The following UACA variants were observed in gnomAD, a reference collection of about 807,000 sequenced individuals.
The protein encoded by UACA is uveal autoantigen with coiled-coil domains and ankyrin repeats, also known as nuclear membrane binding protein.
In UACA, 112 loss-of-function variants were observed where a neutral mutation model predicts 160.5. The observed-to-expected ratio is 0.70, with a 90% CI of 0.60 to 0.82. The LOEUF (loss-of-function observed/expected upper bound fraction) is 0.82. Ranked by LOEUF, UACA falls within the 40% of genes least tolerant of loss-of-function variation. UACA has a pLI of 0.00. For synonymous variants in UACA, 557 were observed against 568.4 expected, an observed-to-expected ratio of 0.98 and a Z score of 0.29; for missense variants, 1,574 against 1,614.6, an observed-to-expected ratio of 0.97 and a Z score of 0.43.
chr15:70,757,561 C>T (rs1341157919), intron 1 of UACA, among the ~76,000 whole-genome samples: 2 of 152,178 alleles, frequency 1.3e-5, no homozygotes, highest in African/African-American at 2.4e-5. Flanking sequence ...AAAACAGACA[C>T]TTCCTCTTAT....
intron 1 of UACA, among the ~76,000 whole-genome samples, chr15:70,716,897 A>G (rs1208509625): frequency 6.6e-6 from 1 of 152,316 alleles, no homozygotes; most frequent in East Asian, 1.9e-4. Context: ...TAAGCAGTTA[A>G]TAATTTTTAT....
rs140483075 is a variant in UACA at position 70,718,028 on chromosome 15, T to TACACACACACACAC, written c.79-18382_79-18369dup. On this transcript the variant is annotated intron_variant, in intron 1 of 18. Coordinates refer to ENST00000322954, the MANE Select transcript of UACA (RefSeq NM_018003.4). ...CAATTCCTTAAAATAAATTTCTTTA[T>TACACACACACACAC]ACACACACACACACACACACACACA... Among the ~76,000 whole-genome samples, 412 of 142,652 alleles carry TACACACACACACAC rather than the reference T, an allele frequency of 2.9e-3. 4 individuals are homozygous for TACACACACACACAC. Among genetic ancestry groups the TACACACACACACAC allele is most frequent in the African/African-American group, 0.01 (390 of 37,826 alleles). 93.6% of individuals were successfully genotyped at this position (142,652 alleles called of 152,430 possible).
intron 1 of UACA, among the ~76,000 whole-genome samples, chr15:70,755,648 C>T (rs1302455871): frequency 2.0e-5 from 3 of 149,566 alleles, no homozygotes; most frequent in East Asian, 1.9e-4. Flanking sequence ...CCAGCCTGAG[C>T]GACAAGAGGG....
At position 70,703,121 on chromosome 15, in the gene UACA, A is replaced by G. The variant is rs748913066; in HGVS notation, c.79-3461T>C. The G allele has an allele frequency of 9.3e-6, 12 of 1,289,024 alleles. No homozygotes were observed. In the Admixed American group the frequency reaches 2.5e-4, roughly 27 times the overall value. 79.8% of individuals were successfully genotyped at this position (1,289,024 alleles called of 1,614,324 possible). ...GCATTCTCTACGATAGCATACTTGT[A>G]TCAACATTTCTTACATTACCAAGGC... On this transcript the variant is annotated intron_variant, in intron 1 of 18. Transcript: ENST00000322954.
rs1483047561 is a variant in UACA at position 70,667,727 on chromosome 15, G to A, written c.2957C>T (p.Ala986Val). 4.3e-6 allele frequency: 7 copies of A among 1,613,824 alleles called. No individual in the cohort carries two copies. Among genetic ancestry groups the A allele is most frequent in the Non-Finnish European group, 5.9e-6 (7 of 1,179,978 alleles). ...GCACTCCTCAAAGCTGACAATTGGG[G>A]CGTATTTTACCTTAATGCATTCTTG... ...TIQECIKVKY[A>V]PIVSFEECER... The change falls in exon 16 of 19, where the codon GCC becomes GTC. Residue 986 changes from alanine to valine, a missense_variant. Ala to Val is a moderately conservative substitution (Grantham distance 64). Transcript: ENST00000322954.
chr15:70,674,394 C>G (rs1897240783), intron 13 of UACA, among the ~76,000 whole-genome samples: 1 of 152,064 alleles, frequency 6.6e-6, no homozygotes, highest in Non-Finnish European at 1.5e-5. Flanking sequence ...AAATTATGTA[C>G]AAATGTCTGA....
At chr15:70,771,579 A>G in the UACA span, among the ~76,000 whole-genome samples, 1 of 152,228 alleles carries the variant, frequency 6.6e-6, no homozygotes, top group Non-Finnish European at 1.5e-5. Context: ...ATCAGCAGGG[A>G]ACAAGTAAAC....
chr15:70,754,668 C>G (rs1002545778), intron 1 of UACA, among the ~76,000 whole-genome samples: 1 of 152,184 alleles, frequency 6.6e-6, no homozygotes, highest in African/African-American at 2.4e-5. Context: ...TGCATATCAT[C>G]TTGGAGACTG....
upstream of UACA, among the ~76,000 whole-genome samples, chr15:70,765,395 T>A (rs897739124): frequency 3.5e-4 from 53 of 152,216 alleles, no homozygotes; most frequent in African/African-American, 1.3e-3. Context: ...TGTTATGCTT[T>A]AACAAAAAGT....
chr15:70,769,055 G>T, the UACA span, among the ~76,000 whole-genome samples: 1 of 152,074 alleles, frequency 6.6e-6, no homozygotes, highest in Admixed American at 6.6e-5. Flanking sequence ...GACAGAATAA[G>T]TTAAGATAAA....
At chr15:70,754,186 G>A (rs1005258957) in intron 1 of UACA, 9 of 455,606 alleles carry the variant, frequency 2.0e-5, no homozygotes, top group Non-Finnish European at 3.1e-5. Flanking sequence ...ATTCACCTGC[G>A]CTCTCTCAAG....
rs1482924433 is a variant in UACA, at chr15:70,751,569, G to A, written c.78+11761C>T. On this transcript the variant is annotated intron_variant, in intron 1 of 18. Transcript: ENST00000322954. ...AACTACTCTATGAAATAAGTATAAC[G>A]ATTAATCCTATTTTCCAAATGAAGA... is the stretch of plus-strand genomic sequence containing the variant. Among the ~76,000 whole-genome samples the A allele has an allele frequency of 3.9e-5, 6 of 152,088 alleles. 1 individual carries two copies. The highest frequency in any genetic ancestry group is 3.9e-4 in the Admixed American group (6 of 15,260).
chr15:70,668,010 C>A lies in UACA; in HGVS notation c.2674G>T (p.Asp892Tyr). Residue 892 changes from aspartate (D) to tyrosine (Y), a missense_variant, in exon 16 of 19, where the codon GAT becomes TAT. Transcript: ENST00000322954. ...ELLDVKKKFEDINQEFVKIKD... is the reference protein window; with the variant it reads ...ELLDVKKKFEYINQEFVKIKD... ...ATTTTTACAAATTCCTGATTTATAT[C>A]TTCAAATTTTTTCTTCACATCTAAT... 6.2e-7 allele frequency: 1 copy of A among 1,603,438 alleles called. No homozygotes were observed. Among genetic ancestry groups the A allele is most frequent in the Non-Finnish European group, 8.5e-7 (1 of 1,175,874 alleles).
At chr15:70,684,506 T>A in intron 7 of UACA, 60 bp from the exon 8 acceptor site, 1 of 1,509,934 alleles carries the variant, frequency 6.6e-7, no homozygotes, top group Middle Eastern at 1.8e-4. Context: ...ATTGCAGAAA[T>A]ATTCTGCCCT....
In UACA at chr15:70,684,270, T is replaced by G. The variant is rs975711700; in HGVS notation, c.779A>C (p.Asn260Thr). The G allele has an allele frequency of 6.2e-7, 1 of 1,602,418 alleles. No homozygotes were observed. Among genetic ancestry groups the G allele is most frequent in the African/African-American group, 1.3e-5 (1 of 74,178 alleles). The change falls in exon 8 of 19, where the codon AAC becomes ACC. Residue 260 changes from asparagine (N) to threonine (T), a missense_variant. Asn to Thr is a moderately conservative substitution (Grantham distance 65). Transcript: ENST00000322954. ...TLLKTASENT[N>T]KGRELWKKGP... ...TTACAGAAAACTGCTGATACCTTTG[T>G]TGGTATTTTCCGATGCAGTCTTCAA...
intron 1 of UACA, among the ~76,000 whole-genome samples, chr15:70,752,212 T>C (rs1285704118): frequency 7.5e-6 from 1 of 132,958 alleles, no homozygotes; most frequent in Non-Finnish European, 1.6e-5. Context: ...CACTCCAGCC[T>C]GGGGCAACGA....
chr15:70,692,344 G>T (rs1897968823), intron 3 of UACA, among the ~76,000 whole-genome samples: 2 of 152,042 alleles, frequency 1.3e-5, no homozygotes, highest in African/African-American at 4.8e-5. Context: ...TTAATTTTGT[G>T]TAGAGACAGG....
intron 1 of UACA, among the ~76,000 whole-genome samples, chr15:70,723,083 C>T (rs1319916823): frequency 6.6e-6 from 1 of 152,176 alleles, no homozygotes; most frequent in Non-Finnish European, 1.5e-5. Context: ...GTTACTTAGT[C>T]CCCCTGAGCG....
At chr15:70,665,905 A>AT (rs1896886772) in intron 16 of UACA, among the ~76,000 whole-genome samples, 1 of 152,192 alleles carries the variant, frequency 6.6e-6, no homozygotes, top group South Asian at 2.1e-4. Flanking sequence ...ACTGCAGCCA[A>AT]TCTTTATATG....
Sources: gnomAD v4.1 joint callset for allele counts (sites outside exome capture counted in the v4.1 genomes callset) on GRCh38, gnomAD v4.1.1 for gene constraint, MANE v1.5 for transcripts, NCBI Gene and HGNC (gene_info 2026-07-23, HGNC 2026-07-21) for gene names.